The following CDH13 variants were observed in gnomAD, a reference collection of about 807,000 sequenced individuals.
The protein encoded by CDH13 is cadherin-13.
CDH13 carries 24 observed loss-of-function variants against 63.8 expected under a neutral mutation model. The ratio of observed to expected loss-of-function variants is 0.38; its 90% CI spans 0.27 to 0.53. The LOEUF (loss-of-function observed/expected upper bound fraction) is 0.53, where lower values mean the gene tolerates loss of function less well. Ranked by LOEUF, CDH13 falls within the 20% of genes least tolerant of loss-of-function variation. The pLI, the probability that CDH13 is intolerant of heterozygous loss-of-function variation, is 0.85. For missense variants in CDH13, 1,049 were observed against 903.1 expected, an observed-to-expected ratio of 1.16 and a Z score of -2.07; for synonymous variants, 503 against 355.3, an observed-to-expected ratio of 1.42 and a Z score of -4.67.
At position 82,956,012 on chromosome 16, in the gene CDH13, G is replaced by C. The variant is rs75737441; in HGVS notation, c.158-75998G>C. ...CTCTGTGTACTAGACACTGCCTCTTGGATGTCCCATAGTTCATTGAACTCT... is the reference window on the plus strand; with the variant it reads ...CTCTGTGTACTAGACACTGCCTCTTCGATGTCCCATAGTTCATTGAACTCT... On this transcript the variant is annotated intron_variant, in intron 2 of 13. Transcript: ENST00000567109. Among the ~76,000 whole-genome samples, 512 of 152,216 alleles carry C rather than the reference G, an allele frequency of 3.4e-3. 2 individuals are homozygous for C. The highest frequency in any genetic ancestry group is 5.8e-3 in the Non-Finnish European group (397 of 68,014).
chr16:83,398,953 T>A (rs1234555532), intron 6 of CDH13, among the ~76,000 whole-genome samples: 4 of 152,230 alleles, frequency 2.6e-5, no homozygotes, highest in African/African-American at 7.2e-5. Context: ...AGTCTTTATG[T>A]TCAGTCCATA....
intron 1 of CDH13, among the ~76,000 whole-genome samples, chr16:82,746,216 TTA>T (rs1183319133): frequency 2.1e-5 from 2 of 95,732 alleles, no homozygotes; most frequent in African/African-American, 6.1e-5. Context: ...AACACACTGT[TTA>T]TATATATGTG....
intron 8 of CDH13, among the ~76,000 whole-genome samples, chr16:83,665,712 T>C (rs1035962246): frequency 2.6e-5 from 4 of 152,224 alleles, no homozygotes; most frequent in Admixed American, 6.5e-5. Context: ...TAGTCAAGCA[T>C]GCAAGCTTGC....
chr16:82,760,658 A>G (rs1381316412), intron 1 of CDH13, among the ~76,000 whole-genome samples: 2 of 152,158 alleles, frequency 1.3e-5, no homozygotes, highest in Non-Finnish European at 2.9e-5. Flanking sequence ...GTGTTGCTAT[A>G]AAGGAATACC....
intron 11 of CDH13, among the ~76,000 whole-genome samples, chr16:83,772,462 G>T (rs1396585968): frequency 6.6e-6 from 1 of 152,190 alleles, no homozygotes; most frequent in Non-Finnish European, 1.5e-5. Context: ...GTCTGCAACT[G>T]CTGGTTAAAA....
chr16:83,702,869 G>T lies in CDH13; in HGVS notation c.1538+24408G>T, dbSNP rs535579901. Among the ~76,000 whole-genome samples the T allele has an allele frequency of 3.3e-5, 5 of 152,314 alleles. No individual in the cohort carries two copies. The South Asian group carries it at 1.0e-3, about 32-fold the overall frequency. ...ACAAGCCACAGCAACATTTGCTTGGGCTGCACACATATTACTGCATAAAAA... is the reference window on the plus strand; with the variant it reads ...ACAAGCCACAGCAACATTTGCTTGGTCTGCACACATATTACTGCATAAAAA... On this transcript the variant is annotated intron_variant, in intron 10 of 13. Transcript: ENST00000567109.
intron 5 of CDH13, among the ~76,000 whole-genome samples, chr16:83,227,921 C>T (rs1388409597): frequency 6.6e-6 from 1 of 152,172 alleles, no homozygotes; most frequent in Non-Finnish European, 1.5e-5. Context: ...CACCAAATCC[C>T]TGCTTCATGG....
intron 2 of CDH13, among the ~76,000 whole-genome samples, chr16:82,966,351 G>A (rs190373111): frequency 6.6e-6 from 1 of 151,858 alleles, no homozygotes; most frequent in Non-Finnish European, 1.5e-5. Flanking sequence ...GGGTTTCACT[G>A]TTGGCTAGGA....
chr16:82,815,424 G>A lies in CDH13; in HGVS notation c.46-42938G>A, dbSNP rs142388235. The stretch of plus-strand genomic sequence containing the variant: ...GGATTACACGAGCTGGTGGTGTTGC[G>A]ATTCTGAGGTGGTTGTGAGGATTAC... On this transcript the variant is annotated intron_variant, in intron 1 of 13. Coordinates refer to ENST00000567109, the MANE Select transcript of CDH13 (RefSeq NM_001257.5). Among the ~76,000 whole-genome samples, 534 of 152,212 alleles carry A rather than the reference G, an allele frequency of 3.5e-3. 5 individuals are homozygous for A. Among genetic ancestry groups the A allele is most frequent in the African/African-American group, 9.6e-3 (400 of 41,530 alleles).
At position 83,487,889 on chromosome 16, in the gene CDH13, A is replaced by G. The variant is rs2073927507; in HGVS notation, c.960+1234A>G. Among the ~76,000 whole-genome samples the G allele has an allele frequency of 2.0e-5, 3 of 152,060 alleles. No homozygotes were observed. In the South Asian group the frequency reaches 6.2e-4, roughly 32 times the overall value. On this transcript the variant is annotated intron_variant, in intron 7 of 13. Coordinates refer to ENST00000567109, the MANE Select transcript of CDH13 (RefSeq NM_001257.5). ...TCTCAAGAGATTCTGGATTACATCA[A>G]CCCCTTCTAAGAAGCTGTCCTCATC...
At chr16:83,504,922 C>G (rs966172005) in intron 7 of CDH13, among the ~76,000 whole-genome samples, 1 of 152,126 alleles carries the variant, frequency 6.6e-6, no homozygotes, top group African/African-American at 2.4e-5. Context: ...TTTTTAAAGT[C>G]TGCCTCAAAT....
chr16:83,745,387 C>G (rs944836180), intron 10 of CDH13, among the ~76,000 whole-genome samples: 1 of 152,182 alleles, frequency 6.6e-6, no homozygotes, highest in Admixed American at 6.5e-5. Context: ...CAGACCGCCT[C>G]TGTGTGAATT....
At chr16:83,108,682 G>T (rs898834449) in intron 3 of CDH13, among the ~76,000 whole-genome samples, 2 of 152,152 alleles carry the variant, frequency 1.3e-5, no homozygotes, top group African/African-American at 4.8e-5. Context: ...TTTTAGGCTC[G>T]AAGGCAGGGT....
chr16:82,718,777 C>T (rs1021294236), intron 1 of CDH13, among the ~76,000 whole-genome samples: 20 of 152,148 alleles, frequency 1.3e-4, no homozygotes, highest in African/African-American at 4.3e-4. Flanking sequence ...TGGGAAAGAC[C>T]CAGCCCCATG....
At chr16:82,934,405 G>C (rs551540723) in intron 2 of CDH13, among the ~76,000 whole-genome samples, 1 of 152,282 alleles carries the variant, frequency 6.6e-6, no homozygotes, top group Admixed American at 6.5e-5. Flanking sequence ...GGGGGCCCTG[G>C]CTCCAGCCCA....
intron 4 of CDH13, among the ~76,000 whole-genome samples, chr16:83,132,514 C>G (rs1426678635): frequency 1.5e-5 from 2 of 129,458 alleles, no homozygotes. Context: ...TTGGTGCAAT[C>G]TCTGCTCACT....
intron 10 of CDH13, among the ~76,000 whole-genome samples, chr16:83,685,678 T>C (rs1366144757): frequency 6.6e-6 from 1 of 152,142 alleles, no homozygotes; most frequent in Non-Finnish European, 1.5e-5. Context: ...GAAGAAGGAA[T>C]GAAATAAATT....
intron 6 of CDH13, among the ~76,000 whole-genome samples, chr16:83,373,620 G>C (rs183163889): frequency 1.7e-4 from 26 of 152,310 alleles, no homozygotes; most frequent in African/African-American, 6.0e-4. Flanking sequence ...ATCATGCAAA[G>C]TGTATGTGTT....
intron 6 of CDH13, among the ~76,000 whole-genome samples, chr16:83,457,856 C>G (rs1378371729): frequency 6.6e-6 from 1 of 152,204 alleles, no homozygotes; most frequent in African/African-American, 2.4e-5. Flanking sequence ...TCTGATTTGA[C>G]AGGTCATGGC....
Sources: allele counts gnomAD v4.1 joint callset (sites outside exome capture counted in the v4.1 genomes callset), GRCh38; gene constraint gnomAD v4.1.1; transcripts MANE v1.5; gene names NCBI Gene and HGNC (gene_info 2026-07-23, HGNC 2026-07-21).